Variants in CALML4 observed in about 807,000 individuals in gnomAD.
The protein encoded by CALML4 is calmodulin-like protein 4.
Under a neutral mutation model 17.9 loss-of-function variants are expected in CALML4, and 16 were observed. The observed-to-expected ratio is 0.89, with a 90% confidence interval of 0.61 to 1.36. The LOEUF (loss-of-function observed/expected upper bound fraction) is 1.36. CALML4 is among the 40% of genes most tolerant of loss of function. The pLI is 0.00. For synonymous variants in CALML4, 86 were observed against 71.5 expected (o/e 1.20, Z -1.02); for missense variants, 203 against 194.8 (o/e 1.04, Z -0.25).
chr15:68,201,153 C>T (rs1480918640), intron 2 of CALML4, among the ~76,000 whole-genome samples: 3 of 152,210 alleles, frequency 2.0e-5, no homozygotes, highest in Non-Finnish European at 4.4e-5. Flanking sequence ...GACAAATTCG[C>T]GGCCTTTGTG....
chr15:68,191,443 TAAAAG>T lies in CALML4; in HGVS notation c.*2567_*2571del, dbSNP rs371816864. 2.0e-4 allele frequency: 31 copies of T among 152,746 alleles called. No homozygotes were observed. The East Asian group carries it at 3.5e-3, about 17-fold the overall frequency. 9.5% of individuals were successfully genotyped at this position (152,746 alleles called of 1,614,324 possible). ...TTTATGTAGAGCTCTTTAGATGTAA[TAAAAG>T]AAAAGCCTTCAGTTAATTTGTCTTC... is the stretch of plus-strand genomic sequence containing the variant. On this transcript the variant is annotated 3_prime_UTR_variant, in exon 5 of 5. Coordinates refer to ENST00000467889, the MANE Select transcript of CALML4 (RefSeq NM_033429.3).
Position 68,204,287 on chromosome 15 carries a change from A to T in CALML4, c.34+834T>A, listed in dbSNP as rs1267857705. Among the ~76,000 whole-genome samples, 1 of 152,126 alleles carries T rather than the reference A, an allele frequency of 6.6e-6. No homozygotes were observed. The highest frequency in any genetic ancestry group is 1.5e-5 in the Non-Finnish European group (1 of 68,012). ...AAGGGCCCAAGGTGCCTGTAATTTT[A>T]TCTCCAGTGGTCAGCGAAGGACTCA... On this transcript the variant is annotated intron_variant, in intron 2 of 4. Coordinates refer to ENST00000467889, the MANE Select transcript of CALML4 (RefSeq NM_033429.3). This position sits in a 1 kb window ranked among gnomAD's most constrained non-coding sequence, Gnocchi z 6.0.
Position 68,197,379 on chromosome 15 carries a change from T to C in CALML4, c.364+61A>G, listed in dbSNP as rs2093148649. 2 of 1,539,752 alleles carry C rather than the reference T, an allele frequency of 1.3e-6. No homozygotes were observed. Among genetic ancestry groups the C allele is most frequent in the Non-Finnish European group, 1.8e-6 (2 of 1,132,504 alleles). ...CCTGGTGGCATCAGCTAGGCTTTGG[T>C]GCCCTCCTTCCAACTCCCTAACCCC... On this transcript the variant is annotated intron_variant, in intron 4 of 4. Coordinates refer to ENST00000467889, the MANE Select transcript of CALML4 (RefSeq NM_033429.3). The surrounding 1 kb of genome is among the most constrained non-coding windows in gnomAD (Gnocchi z 4.1).
chr15:68,205,303 C>T lies in CALML4; in HGVS notation c.-56G>A. On this transcript the variant is annotated 5_prime_UTR_variant, in exon 1 of 5. Transcript: ENST00000467889. The surrounding 1 kb of genome is among the most constrained non-coding windows in gnomAD (Gnocchi z 4.8). ...GCTGCTCCCAGAACCGCGTTCAGTTCCCTTTCCTCCAGCCTCAAGTCTAAA... is the reference window on the plus strand; with the variant it reads ...GCTGCTCCCAGAACCGCGTTCAGTTTCCTTTCCTCCAGCCTCAAGTCTAAA... 6.2e-7 allele frequency: 1 copy of T among 1,614,170 alleles called. No homozygotes were observed. The highest frequency in any genetic ancestry group is 1.1e-5 in the South Asian group (1 of 91,084).
At chr15:68,194,809 C>T (rs1485882347) in intron 4 of CALML4, among the ~76,000 whole-genome samples, 8 of 152,092 alleles carry the variant, frequency 5.3e-5, no homozygotes, top group Non-Finnish European at 1.2e-4. Flanking sequence ...ACATCCTCCA[C>T]AGTCCCAGGC....
In CALML4 at chr15:68,197,665, G is replaced by T; in HGVS notation, c.176-37C>A. ...GCAAACACAGCAGAGTGAGCAGAGG[G>T]AAAAAGACTCCTAGGAAGCCAGCTG... On this transcript the variant is annotated intron_variant, in intron 3 of 4. Transcript: ENST00000467889. This position sits in a 1 kb window ranked among gnomAD's most constrained non-coding sequence, Gnocchi z 4.1. The T allele has an allele frequency of 6.3e-7, 1 of 1,595,922 alleles. No homozygotes were observed. Among genetic ancestry groups the T allele is most frequent in the Non-Finnish European group, 8.6e-7 (1 of 1,169,416 alleles).
rs751819443 is a variant in CALML4 at position 68,199,591 on chromosome 15, GC to G, written c.124del (p.Ala42ProfsTer17). 3.7e-6 allele frequency: 6 copies of G among 1,613,612 alleles called. No homozygotes were observed. The highest frequency in any genetic ancestry group is 1.7e-4 in the Middle Eastern group (1 of 6,058). On this transcript the variant is annotated frameshift_variant, in exon 3 of 5. Transcript: ENST00000467889. LOFTEE classifies it high-confidence loss of function. ...DLMVAMRCLG[A>X]SPTPGEVQRH... Reference sequence around the variant, plus strand: ...CTGCACCTCCCCTGGCGTCGGGCTGGCCCCCAGGCACCTCATGGCCACCATG... The same window carrying G: ...CTGCACCTCCCCTGGCGTCGGGCTGGCCCCAGGCACCTCATGGCCACCATG...
chr15:68,205,678 A>C, upstream of CALML4: 3 of 362,032 alleles, frequency 8.3e-6, no homozygotes, highest in Non-Finnish European at 1.1e-5. This position sits in a 1 kb window ranked among gnomAD's most constrained non-coding sequence, Gnocchi z 4.8. Context: ...CTCACACACC[A>C]TCTTGTAGGA....
intron 2 of CALML4, 169 bp from the exon 3 acceptor site, chr15:68,199,850 G>A (rs2093159550): frequency 1.6e-6 from 1 of 618,348 alleles, no homozygotes; most frequent in Admixed American, 3.6e-5. Flanking sequence ...ATACAGGACT[G>A]CCAAGTTAAA....
intron 3 of CALML4, chr15:68,198,295 C>A (rs2093152890): frequency 6.6e-6 from 1 of 152,354 alleles, no homozygotes; most frequent in South Asian, 2.1e-4. Context: ...CAGAGGCCCA[C>A]CTGGGCCCAG....
chr15:68,194,614 C>T (rs1444162355), intron 4 of CALML4, among the ~76,000 whole-genome samples: 1 of 152,078 alleles, frequency 6.6e-6, no homozygotes, highest in Non-Finnish European at 1.5e-5. Flanking sequence ...GAACTCCTGA[C>T]CTCAGGTGAG....
chr15:68,197,706 T>C lies in CALML4; in HGVS notation c.176-78A>G, dbSNP rs770517387. ...AAGCCAGCTGGCCTCCTGCTGGACC[T>C]GCACAGCCGGTTCAAGGTCAACTGA... is the stretch of plus-strand genomic sequence containing the variant. On this transcript the variant is annotated intron_variant, in intron 3 of 4. Transcript: ENST00000467889. The surrounding 1 kb of genome is among the most constrained non-coding windows in gnomAD (Gnocchi z 4.1). 11 of 1,351,980 alleles carry C rather than the reference T, an allele frequency of 8.1e-6. No individual in the cohort carries two copies. The highest frequency in any genetic ancestry group is 2.0e-5 in the Admixed American group (1 of 51,158). The allele number at this position is 1,351,980 out of a possible 1,614,324, so 83.7% of individuals were successfully genotyped here.
In CALML4 at chr15:68,193,276, G is replaced by C. The variant is rs919751681; in HGVS notation, c.*739C>G. ...CAGTCAATTTAGCAGCTCACATCTG[G>C]TTTCCTTTGGTGTGGGGTGTAAAGT... On this transcript the variant is annotated 3_prime_UTR_variant, in exon 5 of 5. Coordinates refer to ENST00000467889, the MANE Select transcript of CALML4 (RefSeq NM_033429.3). 3 of 152,234 alleles carry C rather than the reference G, an allele frequency of 2.0e-5. No homozygotes were observed. The highest frequency in any genetic ancestry group is 4.4e-5 in the Non-Finnish European group (3 of 68,088). The allele number at this position is 152,234 out of a possible 1,614,324, so 9.4% of individuals were successfully genotyped here.
chr15:68,205,207 C>T lies in CALML4; in HGVS notation c.3+38G>A, dbSNP rs2093178655. On this transcript the variant is annotated intron_variant, in intron 1 of 4. Coordinates refer to ENST00000467889, the MANE Select transcript of CALML4 (RefSeq NM_033429.3). This position sits in a 1 kb window ranked among gnomAD's most constrained non-coding sequence, Gnocchi z 4.8. ...AGGGCTCCACCTGAGGTTCACGCCC[C>T]CAGCCCTGGCCAGGCCGACACAGAC... is the stretch of plus-strand genomic sequence containing the variant. 1 of 1,614,154 alleles carries T rather than the reference C, an allele frequency of 6.2e-7. No homozygotes were observed. Among genetic ancestry groups the T allele is most frequent in the African/African-American group, 1.3e-5 (1 of 75,042 alleles).
intron 2 of CALML4, 96 bp from the exon 3 acceptor site, chr15:68,199,777 C>T (rs2093159346): frequency 7.2e-7 from 1 of 1,389,210 alleles, no homozygotes; most frequent in South Asian, 1.4e-5. Flanking sequence ...TTTTCCCCTT[C>T]CTTTTGCCTA....
chr15:68,197,700 T>A lies in CALML4; in HGVS notation c.176-72A>T. ...CCTAGGAAGCCAGCTGGCCTCCTGC[T>A]GGACCTGCACAGCCGGTTCAAGGTC... On this transcript the variant is annotated intron_variant, in intron 3 of 4. Coordinates refer to ENST00000467889, the MANE Select transcript of CALML4 (RefSeq NM_033429.3). This position sits in a 1 kb window ranked among gnomAD's most constrained non-coding sequence, Gnocchi z 4.1. 1 of 1,422,790 alleles carries A rather than the reference T, an allele frequency of 7.0e-7. No homozygotes were observed. The highest frequency in any genetic ancestry group is 2.3e-5 in the East Asian group (1 of 43,556). The allele number at this position is 1,422,790 out of a possible 1,614,324, so 88.1% of individuals were successfully genotyped here. A position where few individuals can be genotyped will look rare whatever the true frequency, so the allele number is the denominator to read the frequency against.
intron 4 of CALML4, among the ~76,000 whole-genome samples, chr15:68,195,430 C>A (rs1046505907): frequency 1.3e-5 from 2 of 152,156 alleles, no homozygotes; most frequent in African/African-American, 4.8e-5. Flanking sequence ...CACAATCAGC[C>A]AGGTGGCTAA....
chr15:68,193,912 G>T lies in CALML4; in HGVS notation c.*103C>A. 1 of 734,172 alleles carries T rather than the reference G, an allele frequency of 1.4e-6. No homozygotes were observed. Among genetic ancestry groups the T allele is most frequent in the Non-Finnish European group, 2.3e-6 (1 of 425,706 alleles). 45.5% of individuals were successfully genotyped at this position (734,172 alleles called of 1,614,324 possible). ...TTCTATAGTTGGGTAATGTTGTCTT[G>T]CCACTGTGTTTGCCATCTCTCCCAA... On this transcript the variant is annotated 3_prime_UTR_variant, in exon 5 of 5. Coordinates refer to ENST00000467889, the MANE Select transcript of CALML4 (RefSeq NM_033429.3).
chr15:68,197,414 T>C lies in CALML4; in HGVS notation c.364+26A>G. On this transcript the variant is annotated intron_variant, in intron 4 of 4. Transcript: ENST00000467889. The surrounding 1 kb of genome is among the most constrained non-coding windows in gnomAD (Gnocchi z 4.1). ...CCAACTCCCTAACCCCCTCCAACTG[T>C]TGGGAGACAGGACCCAGGCTGTTAC... is the stretch of plus-strand genomic sequence containing the variant. 6.2e-7 allele frequency: 1 copy of C among 1,606,776 alleles called. No individual in the cohort carries two copies. The highest frequency in any genetic ancestry group is 8.5e-7 in the Non-Finnish European group (1 of 1,176,174).
Sources: allele counts gnomAD v4.1 joint callset (sites outside exome capture counted in the v4.1 genomes callset), GRCh38; gene constraint gnomAD v4.1.1; non-coding constraint Gnocchi (gnomAD v3.1); transcripts MANE v1.5; gene names NCBI Gene and HGNC (gene_info 2026-07-23, HGNC 2026-07-21).